PPP2R2B: variants seen among roughly 807,000 people sequenced by gnomAD.
PPP2R2B encodes protein phosphatase 2 regulatory subunit Bbeta.
Under a neutral mutation model 46.0 loss-of-function variants are expected in PPP2R2B, and 5 were observed. The ratio of observed to expected loss-of-function variants is 0.11; its 90% CI spans 0.06 to 0.23. The LOEUF (loss-of-function observed/expected upper bound fraction) is 0.23, where lower values mean the gene tolerates loss of function less well. Ranked by LOEUF, PPP2R2B falls within the 10% of genes least tolerant of loss-of-function variation. PPP2R2B has a pLI of 1.00. For synonymous variants in PPP2R2B, 215 were observed against 206.7 expected, an observed-to-expected ratio of 1.04 and a Z score of -0.34; for missense variants, 367 against 575.0, an observed-to-expected ratio of 0.64 and a Z score of 3.70.
chr5:146,767,826 T>C (rs1178733318), intron 2 of PPP2R2B, among the ~76,000 whole-genome samples: 3 of 152,188 alleles, frequency 2.0e-5, no homozygotes, highest in Non-Finnish European at 4.4e-5. Context: ...ATGACACGTA[T>C]CTACCACTAT....
intron 1 of PPP2R2B, among the ~76,000 whole-genome samples, chr5:146,967,658 C>A (rs1013917099): frequency 2.6e-5 from 4 of 152,126 alleles, no homozygotes; most frequent in Non-Finnish European, 1.5e-5. Context: ...ACCTCAGGGG[C>A]AGCCCCACTC....
chr5:147,022,292 A>C (rs1363125087), intron 1 of PPP2R2B, among the ~76,000 whole-genome samples: 1 of 151,672 alleles, frequency 6.6e-6, no homozygotes, highest in Admixed American at 6.6e-5. Context: ...GCGCGGTGAC[A>C]CTCTCCTGTA....
Position 146,585,301 on chromosome 5 carries a change from C to CAT in PPP2R2B, c.*4644_*4645dup, listed in dbSNP as rs1443525862. 1 of 152,094 alleles carries CAT rather than the reference C, an allele frequency of 6.6e-6. No individual in the cohort carries two copies. The highest frequency in any genetic ancestry group is 1.5e-5 in the Non-Finnish European group (1 of 68,508). The allele number at this position is 152,094 out of a possible 1,614,324, so 9.4% of individuals were successfully genotyped here. A position where few individuals can be genotyped will look rare whatever the true frequency, so the allele number is the denominator to read the frequency against. ...ACACACACACACACACACACACACACATAATGTATGATGGGGATAGTGGAT... is the reference window on the plus strand; with the variant it reads ...ACACACACACACACACACACACACACATATAATGTATGATGGGGATAGTGGAT... On this transcript the variant is annotated 3_prime_UTR_variant, in exon 10 of 10. Transcript: ENST00000394411.
chr5:146,803,966 G>T (rs553130898), intron 2 of PPP2R2B, among the ~76,000 whole-genome samples: 2 of 152,204 alleles, frequency 1.3e-5, no homozygotes, highest in African/African-American at 4.8e-5. Flanking sequence ...AGGAGATAAA[G>T]ACCATCCTGG....
At chr5:147,079,441 T>TATAC (rs970727456) in intron 2 of PPP2R2B, among the ~76,000 whole-genome samples, 4 of 47,976 alleles carry the variant, frequency 8.3e-5, no homozygotes, top group Non-Finnish European at 8.9e-5. Context: ...ATTTTATATA[T>TATAC]ATACATATAT....
chr5:147,021,218 A>C (rs1206870637), intron 1 of PPP2R2B, among the ~76,000 whole-genome samples: 2 of 152,222 alleles, frequency 1.3e-5, no homozygotes, highest in Non-Finnish European at 2.9e-5. Flanking sequence ...GAAAACAAAC[A>C]GACTTAATTG....
intron 2 of PPP2R2B, among the ~76,000 whole-genome samples, chr5:146,842,821 G>A (rs1231037153): frequency 2.0e-5 from 3 of 152,144 alleles, no homozygotes; most frequent in Admixed American, 6.5e-5. Context: ...ACTGTTAGAA[G>A]GTTTGTCTCT....
intron 2 of PPP2R2B, among the ~76,000 whole-genome samples, chr5:146,805,525 G>T (rs907661385): frequency 1.3e-5 from 2 of 152,196 alleles, no homozygotes; most frequent in African/African-American, 2.4e-5. Context: ...AGAAGATGGA[G>T]TGACATTGTC....
intron 1 of PPP2R2B, among the ~76,000 whole-genome samples, chr5:146,980,367 G>C (rs1753112170): frequency 6.6e-6 from 1 of 152,152 alleles, no homozygotes; most frequent in Non-Finnish European, 1.5e-5. Context: ...CAGGATAAAT[G>C]CTTCAGATTC....
At chr5:146,739,361 A>G (rs1374277653) in intron 2 of PPP2R2B, among the ~76,000 whole-genome samples, 2 of 152,198 alleles carry the variant, frequency 1.3e-5, no homozygotes, top group Non-Finnish European at 2.9e-5. Context: ...TAGGGGAAGC[A>G]TCGTGGAGAA....
chr5:147,051,352 G>A (rs1756806789), intron 1 of PPP2R2B, among the ~76,000 whole-genome samples: 1 of 152,160 alleles, frequency 6.6e-6, no homozygotes. Flanking sequence ...GATGGGACAG[G>A]CACAGCCCTT....
chr5:146,956,115 T>G (rs901093551), intron 1 of PPP2R2B, among the ~76,000 whole-genome samples: 2 of 152,034 alleles, frequency 1.3e-5, no homozygotes, highest in African/African-American at 4.8e-5. Context: ...AAAATAGTTA[T>G]GAAGGGATAT....
chr5:146,870,460 T>C (rs1198527540), intron 2 of PPP2R2B, among the ~76,000 whole-genome samples: 1 of 152,190 alleles, frequency 6.6e-6, no homozygotes, highest in African/African-American at 2.4e-5. Context: ...AGCAAGAAGT[T>C]GGCTATACAT....
At chr5:147,004,246 C>T (rs1754323641) in intron 1 of PPP2R2B, among the ~76,000 whole-genome samples, 1 of 149,694 alleles carries the variant, frequency 6.7e-6, no homozygotes, top group African/African-American at 2.5e-5. Flanking sequence ...TCCATGTCTG[C>T]TATGCCGAGG....
chr5:147,039,461 C>G (rs1158863519), intron 1 of PPP2R2B, among the ~76,000 whole-genome samples: 1 of 152,070 alleles, frequency 6.6e-6, no homozygotes, highest in Non-Finnish European at 1.5e-5. Context: ...CCGGGGGGCT[C>G]TACTTCTGTG....
chr5:146,618,619 G>A (rs1338310623), intron 7 of PPP2R2B, among the ~76,000 whole-genome samples: 1 of 152,218 alleles, frequency 6.6e-6, no homozygotes, highest in Non-Finnish European at 1.5e-5. Flanking sequence ...CCCAGGGCCA[G>A]TTCCCTTTCA....
At chr5:146,705,513 G>A (rs1408223092) in intron 2 of PPP2R2B, among the ~76,000 whole-genome samples, 2 of 152,120 alleles carry the variant, frequency 1.3e-5, no homozygotes, top group Admixed American at 6.5e-5. Context: ...TAGCTAGACT[G>A]GCAATGACTA....
chr5:146,641,267 C>G (rs1478382548), intron 6 of PPP2R2B, among the ~76,000 whole-genome samples: 1 of 152,134 alleles, frequency 6.6e-6, no homozygotes, highest in Non-Finnish European at 1.5e-5. Flanking sequence ...GGGATTTGAA[C>G]CCAAGCTTGT....
intron 1 of PPP2R2B, among the ~76,000 whole-genome samples, chr5:146,898,101 C>G (rs1158019189): frequency 6.6e-6 from 1 of 152,190 alleles, no homozygotes; most frequent in Non-Finnish European, 1.5e-5. Flanking sequence ...AGGAGAGTCT[C>G]TTGAACCAGG....
Sources: allele counts gnomAD v4.1 joint callset (sites outside exome capture counted in the v4.1 genomes callset), GRCh38; gene constraint gnomAD v4.1.1; transcripts MANE v1.5; gene names NCBI Gene and HGNC (gene_info 2026-07-23, HGNC 2026-07-21).